Variants in GPR78 observed in about 807,000 individuals in gnomAD.
GPR78 encodes the protein G protein-coupled receptor 78.
A neutral mutation model predicts 17.9 loss-of-function variants in GPR78; 29 were observed. That is an observed-to-expected ratio of 1.62 (90% CI 1.20 to 2.21). GPR78 has a LOEUF of 2.21. Among genes scored for constraint, GPR78 ranks in the 30% most tolerant of loss-of-function variants. GPR78 has a pLI of 0.00. For synonymous variants in GPR78, 349 were observed against 256.9 expected (o/e 1.36, Z -3.43); for missense variants, 649 against 530.5 (o/e 1.22, Z -2.19).
In GPR78 at chr4:8,587,319, T is replaced by C. The variant is rs540542667; in HGVS notation, c.1048T>C (p.Ser350Pro). 3 of 1,612,966 alleles carry C rather than the reference T, an allele frequency of 1.9e-6. No individual in the cohort carries two copies. In the African/African-American group the frequency reaches 4.0e-5, roughly 22 times the overall value. ...TPRPASTHNG[S>P]VDTENDSCLQ... ...GCGCCCAGCGTCCACCCACAACGGC[T>C]CTGTGGACACAGAGAATGATTCCTG... Residue 350 changes from serine to proline, a missense_variant, in exon 3 of 3, where the codon TCT becomes CCT. Transcript: ENST00000382487.
At chr4:8,584,512 T>C (rs1713419789) in intron 2 of GPR78, among the ~76,000 whole-genome samples, 1 of 82 alleles carries the variant, frequency 0.012, no homozygotes. Context: ...GCACCTACTC[T>C]GAGCTGGCTT....
Position 8,581,464 on chromosome 4 carries a change from C to T in GPR78, c.482C>T (p.Pro161Leu), listed in dbSNP as rs763182385. 1.9e-6 allele frequency: 3 copies of T among 1,591,560 alleles called. No homozygotes were observed. Among genetic ancestry groups the T allele is most frequent in the South Asian group, 2.2e-5 (2 of 89,718 alleles). Residue 161 changes from proline (P) to leucine (L), a missense_variant, in exon 1 of 3, where the codon CCG becomes CTG. Physicochemically the swap from Pro to Leu is moderately conservative, Grantham distance 98. Coordinates refer to ENST00000382487, the MANE Select transcript of GPR78 (RefSeq NM_080819.5). Reference protein sequence around the residue: ...SAFASCSLRLPPEPERPRFAA... With the variant: ...SAFASCSLRLLPEPERPRFAA... ...TTCGCGTCCTGTTCGCTGCGCCTGCCGCCCGAGCCTGAGCGTCCGCGCTTC... is the reference window on the plus strand; with the variant it reads ...TTCGCGTCCTGTTCGCTGCGCCTGCTGCCCGAGCCTGAGCGTCCGCGCTTC...
chr4:8,586,133 A>G (rs1713494216), intron 2 of GPR78, among the ~76,000 whole-genome samples: 1 of 152,030 alleles, frequency 6.6e-6, no homozygotes, highest in African/African-American at 2.4e-5. Context: ...TGTGGCCCCC[A>G]CCTAAGGCTG....
At chr4:8,582,773 C>A in intron 2 of GPR78, 129 bp downstream of exon 2, 1 of 680,280 alleles carries the variant, frequency 1.5e-6, no homozygotes, top group Admixed American at 2.0e-5. Context: ...CTCCTCCACA[C>A]CTGACGGGCT....
At position 8,588,769 on chromosome 4, in the gene GPR78, A is replaced by T. The variant is rs1180234686; in HGVS notation, c.*1406A>T. 1.3e-5 allele frequency among the ~76,000 whole-genome samples: 2 copies of T among 152,224 alleles called. No homozygotes were observed. The highest frequency in any genetic ancestry group is 1.3e-4 in the Admixed American group (2 of 15,290). On this transcript the variant is annotated 3_prime_UTR_variant, in exon 3 of 3. Coordinates refer to ENST00000382487, the MANE Select transcript of GPR78 (RefSeq NM_080819.5). ...CTTCCAGAGGCTGAATTCTTCAAAG[A>T]CACACGCGGTCGTCACTTGCTCTTG...
chr4:8,586,921 C>T, intron 2 of GPR78, 133 bp from the exon 3 acceptor site: 1 of 757,246 alleles, frequency 1.3e-6, no homozygotes, highest in Non-Finnish European at 2.1e-6. Context: ...GGTGCTGGTG[C>T]AGAGCCCCCT....
At chr4:8,583,702 T>TG (rs1160123030) in intron 2 of GPR78, among the ~76,000 whole-genome samples, 48 of 31,410 alleles carry the variant, frequency 1.5e-3, no homozygotes, top group South Asian at 0.012. Flanking sequence ...GTTGGGTGGG[T>TG]GGGGGGGAAA....
rs375411404 is a variant in GPR78, at chr4:8,587,294, G to T, written c.1023G>T (p.Pro341=). 1 of 1,610,924 alleles carries T rather than the reference G, an allele frequency of 6.2e-7. No homozygotes were observed. The highest frequency in any genetic ancestry group is 1.1e-5 in the South Asian group (1 of 90,820). Residue 341 remains proline (P), a synonymous_variant, in exon 3 of 3, where the codon CCG becomes CCT. Transcript: ENST00000382487. ...TGCACCAGCTGCTGAAGAGAACCCC[G>T]CGCCCAGCGTCCACCCACAACGGCT... The part of the protein sequence containing the change: ...GMVHQLLKRT[P]RPASTHNGSV...
rs775176997 is a variant in GPR78 at position 8,581,241 on chromosome 4, A to G, written c.259A>G (p.Thr87Ala). The G allele has an allele frequency of 1.3e-6, 2 of 1,594,688 alleles. No individual in the cohort carries two copies. The highest frequency in any genetic ancestry group is 2.2e-5 in the South Asian group (2 of 89,558). Residue 87 changes from threonine (T) to alanine (A), a missense_variant, in exon 1 of 3, where the codon ACC (threonine) becomes GCC (alanine). Transcript: ENST00000382487. Reference sequence around the variant, plus strand: ...ATGCCAAGTCATTGGCTTCCTGGACACCTTCCTGGCGTCCAACGCGGCGCT... The same window carrying G: ...ATGCCAAGTCATTGGCTTCCTGGACGCCTTCCTGGCGTCCAACGCGGCGCT... ...GACQVIGFLD[T>A]FLASNAALSV...
At position 8,581,124 on chromosome 4, in the gene GPR78, CTG is replaced by C; in HGVS notation, c.144_145del (p.Leu50GlyfsTer115). The C allele has an allele frequency of 6.2e-7, 1 of 1,606,190 alleles. No individual in the cohort carries two copies. Among genetic ancestry groups the C allele is most frequent in the Non-Finnish European group, 8.5e-7 (1 of 1,179,792 alleles). The part of the protein sequence containing the change: ...TRASGVLLVN[L>X]SLGHLLLAAL... ...AGCCTCAGGCGTCCTCCTGGTGAAT[CTG>C]TCTCTGGGCCACCTGCTGCTGGCGG... is the stretch of plus-strand genomic sequence containing the variant. On this transcript the variant is annotated frameshift_variant, in exon 1 of 3. Coordinates refer to ENST00000382487, the MANE Select transcript of GPR78 (RefSeq NM_080819.5). LOFTEE classifies it high-confidence loss of function.
chr4:8,582,527 A>T lies in GPR78; in HGVS notation c.669-4A>T. 1.3e-6 allele frequency: 2 copies of T among 1,597,830 alleles called. No individual in the cohort carries two copies. The highest frequency in any genetic ancestry group is 4.5e-5 in the East Asian group (2 of 44,840). ...ATCCTGACCACTGTCCTCTGTCCCC[A>T]CAGTGTGCGGCAGCGCTGCCTCATC... is the stretch of plus-strand genomic sequence containing the variant. On this transcript the variant is annotated splice_region_variant and splice_polypyrimidine_tract_variant and intron_variant, in intron 1 of 2. Coordinates refer to ENST00000382487, the MANE Select transcript of GPR78 (RefSeq NM_080819.5).
Position 8,589,534 on chromosome 4 carries a change from T to C in GPR78, c.*2171T>C, listed in dbSNP as rs369467539. Among the ~76,000 whole-genome samples, 3 of 152,172 alleles carry C rather than the reference T, an allele frequency of 2.0e-5. No individual in the cohort carries two copies. Among genetic ancestry groups the C allele is most frequent in the Non-Finnish European group, 2.9e-5 (2 of 68,018 alleles). On this transcript the variant is annotated 3_prime_UTR_variant, in exon 3 of 3. Coordinates refer to ENST00000382487, the MANE Select transcript of GPR78 (RefSeq NM_080819.5). ...CACAGCAGAAGCAGGTTGTTCCCCATTTAAAGTTCTGGAGCCCAGGCTGTG... is the reference window on the plus strand; with the variant it reads ...CACAGCAGAAGCAGGTTGTTCCCCACTTAAAGTTCTGGAGCCCAGGCTGTG...
At position 8,580,844 on chromosome 4, in the gene GPR78, T is replaced by C. The variant is rs1713244708; in HGVS notation, c.-139T>C. On this transcript the variant is annotated 5_prime_UTR_variant, in exon 1 of 3. Transcript: ENST00000382487. ...CTTGCCGCCGCTTTCCTCGCGCTGC[T>C]CTGGACCTTGCTAGCCGGCTCTGCA... 8 of 841,098 alleles carry C rather than the reference T, an allele frequency of 9.5e-6. No homozygotes were observed. The highest frequency in any genetic ancestry group is 1.4e-5 in the Non-Finnish European group (8 of 559,450). The allele number at this position is 841,098 out of a possible 1,614,324, so 52.1% of individuals were successfully genotyped here. A position where few individuals can be genotyped will look rare whatever the true frequency, so the allele number is the denominator to read the frequency against.
rs17844778 is a variant in GPR78, at chr4:8,581,585, A to C, written c.603A>C (p.Arg201Ser). Residue 201 changes from arginine to serine, a missense_variant, in exon 1 of 3, where the codon AGA becomes AGC. Physicochemically the swap from Arg to Ser is moderately radical, Grantham distance 110. Transcript: ENST00000382487. The part of the protein sequence containing the change: ...TSLQVHRVAR[R>S]HCQRMDTVTM... ...TCCAGGTGCACCGGGTGGCACGCAG[A>C]CACTGCCAGCGCATGGACACCGTCA... 0.31 allele frequency: 486,980 copies of C among 1,561,622 alleles called. 82,414 individuals are homozygous for C. Among genetic ancestry groups the C allele is most frequent in the Non-Finnish European group, 0.35 (407,119 of 1,160,518 alleles).
Position 8,580,960 on chromosome 4 carries a change from G to A in GPR78, c.-23G>A, listed in dbSNP as rs527575044. ...GAAGCAGAGCCATGAGAACCCCAGG[G>A]TGCCTGGCGAGCCGCTAGCGCCATG... is the stretch of plus-strand genomic sequence containing the variant. On this transcript the variant is annotated 5_prime_UTR_variant, in exon 1 of 3. It adds an upstream start codon to the 5' untranslated region. Transcript: ENST00000382487. The A allele has an allele frequency of 4.6e-6, 7 of 1,529,074 alleles. No individual in the cohort carries two copies. The highest frequency in any genetic ancestry group is 5.3e-6 in the Non-Finnish European group (6 of 1,142,212). 94.7% of individuals were successfully genotyped at this position (1,529,074 alleles called of 1,614,324 possible). A position where few individuals can be genotyped will look rare whatever the true frequency, so the allele number is the denominator to read the frequency against.
In GPR78 at chr4:8,581,528, G is replaced by A; in HGVS notation, c.546G>A (p.Val182=). 2 of 1,588,542 alleles carry A rather than the reference G, an allele frequency of 1.3e-6. No homozygotes were observed. The highest frequency in any genetic ancestry group is 2.3e-5 in the East Asian group (1 of 44,380). Residue 182 remains valine (V), a synonymous_variant, in exon 1 of 3, where the codon GTG becomes GTA. Coordinates refer to ENST00000382487, the MANE Select transcript of GPR78 (RefSeq NM_080819.5). ...FTATLHAVGF[V]LPLAVLCLTS... ...CCACGCTCCATGCCGTGGGCTTCGT[G>A]CTGCCGCTGGCGGTGCTCTGCCTCA...
In GPR78 at chr4:8,587,171, G is replaced by C. The variant is rs374353570; in HGVS notation, c.900G>C (p.Pro300=). The C allele has an allele frequency of 1.2e-6, 2 of 1,613,200 alleles. No individual in the cohort carries two copies. Among genetic ancestry groups the C allele is most frequent in the East Asian group, 4.5e-5 (2 of 44,874 alleles). ...TCACGTACTCTCTGCTCCGCCGGCC[G>C]TTCCGCCAAGTCCTGGCCGGCATGG... ...DPFTYSLLRR[P]FRQVLAGMVH... The change falls in exon 3 of 3, where the codon CCG becomes CCC. Residue 300 remains proline, a synonymous_variant. Transcript: ENST00000382487.
At position 8,588,663 on chromosome 4, in the gene GPR78, C is replaced by G. The variant is rs981855997; in HGVS notation, c.*1300C>G. Among the ~76,000 whole-genome samples, 3 of 152,222 alleles carry G rather than the reference C, an allele frequency of 2.0e-5. No individual in the cohort carries two copies. The highest frequency in any genetic ancestry group is 4.8e-5 in the African/African-American group (2 of 41,458). ...CTCTGATGGGCTTCAACCGTGGGCT[C>G]TTGCAGGCATGGAGCCTGTATCATG... On this transcript the variant is annotated 3_prime_UTR_variant, in exon 3 of 3. Transcript: ENST00000382487.
intron 2 of GPR78, among the ~76,000 whole-genome samples, chr4:8,586,272 T>A (rs1425699435): frequency 6.6e-6 from 1 of 152,146 alleles, no homozygotes; most frequent in Non-Finnish European, 1.5e-5. Flanking sequence ...CAGAGCCCAG[T>A]CCCTTCTACT....
Sources: allele counts gnomAD v4.1 joint callset (sites outside exome capture counted in the v4.1 genomes callset), GRCh38; gene constraint gnomAD v4.1.1; transcripts MANE v1.5; gene names NCBI Gene and HGNC (gene_info 2026-07-23, HGNC 2026-07-21).